CPB1: variants seen among roughly 807,000 people sequenced by gnomAD.
CPB1 encodes the protein carboxypeptidase B1.
A neutral mutation model predicts 51.4 loss-of-function variants in CPB1; 53 were observed. The observed-to-expected ratio is 1.03, with a 90% confidence interval of 0.83 to 1.30. CPB1 has a LOEUF of 1.30. Ranked by LOEUF, CPB1 falls within the 50% of genes most tolerant of loss-of-function variation. CPB1 has a pLI of 0.00. For synonymous variants in CPB1, 189 were observed against 186.9 expected (o/e 1.01, Z -0.09); for missense variants, 494 against 516.2 (o/e 0.96, Z 0.42).
At chr3:148,837,178 GCTACAGA>G (rs1712929818) in intron 3 of CPB1, among the ~76,000 whole-genome samples, 1 of 152,166 alleles carries the variant, frequency 6.6e-6, no homozygotes. Context: ...GGAATTCCTT[GCTACAGA>G]CTGTAGAAAG....
At position 148,834,604 on chromosome 3, in the gene CPB1, A is replaced by G; in HGVS notation, c.254A>G (p.Gln85Arg). ...DTVTVENVLK[Q>R]NELQYKVLIS... ...GTCACTGTGGAGAATGTTCTAAAGC[A>G]GAATGAACTACAATACAAGTAAGTT... Residue 85 changes from glutamine to arginine, a missense_variant, in exon 3 of 11, where the codon CAG becomes CGG. By Grantham distance (43) the Gln-to-Arg change is conservative. Coordinates refer to ENST00000282957, the MANE Select transcript of CPB1 (RefSeq NM_001871.3). 1 of 1,610,528 alleles carries G rather than the reference A, an allele frequency of 6.2e-7. No individual in the cohort carries two copies. Among genetic ancestry groups the G allele is most frequent in the Non-Finnish European group, 8.5e-7 (1 of 1,176,978 alleles).
chr3:148,839,939 T>TACAC (rs112650920), intron 3 of CPB1, among the ~76,000 whole-genome samples: 16 of 140,516 alleles, frequency 1.1e-4, no homozygotes, highest in Non-Finnish European at 1.6e-4. Flanking sequence ...CACACACACA[T>TACAC]ACACACACAC....
chr3:148,847,092 T>TA (rs1212532042), intron 9 of CPB1, among the ~76,000 whole-genome samples: 1 of 150,322 alleles, frequency 6.7e-6, no homozygotes, highest in Non-Finnish European at 1.5e-5. Flanking sequence ...TTAATTAAAA[T>TA]AAAAAAATTA....
chr3:148,856,752 G>A (rs1334880094), intron 9 of CPB1: 1 of 152,176 alleles, frequency 6.6e-6, no homozygotes, highest in Non-Finnish European at 1.5e-5. Flanking sequence ...TGGTTCTTAT[G>A]AGAAGGTGAT....
chr3:148,860,085 T>A lies in CPB1; in HGVS notation c.*83T>A. On this transcript the variant is annotated 3_prime_UTR_variant, in exon 11 of 11. Transcript: ENST00000282957. ...GAATTCTTATTTTGGTTTGCCTGGA[T>A]GTTTTGCAGATCCCAATCTTTCTTT... 1 of 1,357,596 alleles carries A rather than the reference T, an allele frequency of 7.4e-7. No homozygotes were observed. Among genetic ancestry groups the A allele is most frequent in the African/African-American group, 1.5e-5 (1 of 68,948 alleles). The allele number at this position is 1,357,596 out of a possible 1,614,324, so 84.1% of individuals were successfully genotyped here.
At chr3:148,835,019 T>G (rs79592183) in intron 3 of CPB1, among the ~76,000 whole-genome samples, 2 of 152,138 alleles carry the variant, frequency 1.3e-5, no homozygotes, top group African/African-American at 4.8e-5. Flanking sequence ...TGAGGGCTAT[T>G]TGTGCTTTTT....
At chr3:148,835,221 C>G (rs1712866588) in intron 3 of CPB1, among the ~76,000 whole-genome samples, 1 of 152,156 alleles carries the variant, frequency 6.6e-6, no homozygotes, top group African/African-American at 2.4e-5. Flanking sequence ...TCTTTCATGA[C>G]AAGAATGTCT....
At chr3:148,843,537 T>C (rs1222910034) in intron 6 of CPB1, among the ~76,000 whole-genome samples, 2 of 151,996 alleles carry the variant, frequency 1.3e-5, no homozygotes, top group Non-Finnish European at 2.9e-5. Context: ...TAGAATTAAA[T>C]TTTACTATTT....
chr3:148,845,406 C>G lies in CPB1; in HGVS notation c.779-18C>G. On this transcript the variant is annotated intron_variant, in intron 8 of 10. Transcript: ENST00000282957. ...TTCACTAGGTGATCCTTGCCATTAA[C>G]ATCATATGTTTTTCCAGAAATTGGA... 2 of 1,610,416 alleles carry G rather than the reference C, an allele frequency of 1.2e-6. No individual in the cohort carries two copies. The highest frequency in any genetic ancestry group is 2.7e-5 in the African/African-American group (2 of 74,946).
chr3:148,856,362 C>T (rs1349078252), intron 9 of CPB1: 1 of 152,170 alleles, frequency 6.6e-6, no homozygotes, highest in East Asian at 1.9e-4. Flanking sequence ...AGTCTTACGG[C>T]CACGCCCTCA....
At chr3:148,845,868 G>A (rs1384037777) in intron 9 of CPB1, among the ~76,000 whole-genome samples, 2 of 152,126 alleles carry the variant, frequency 1.3e-5, no homozygotes, top group East Asian at 3.9e-4. Flanking sequence ...AATGACAATA[G>A]TTCCATTTCC....
rs988147507 is a variant in CPB1 at position 148,828,225 on chromosome 3, G to A, written c.147+148G>A. 1.9e-4 allele frequency: 127 copies of A among 659,348 alleles called. No individual in the cohort carries two copies. In the African/African-American group the frequency reaches 2.1e-3, roughly 11 times the overall value. The allele number at this position is 659,348 out of a possible 1,614,324, so 40.8% of individuals were successfully genotyped here. A position where few individuals can be genotyped will look rare whatever the true frequency, so the allele number is the denominator to read the frequency against. On this transcript the variant is annotated intron_variant, in intron 2 of 10. Coordinates refer to ENST00000282957, the MANE Select transcript of CPB1 (RefSeq NM_001871.3). ...CTTGGAAAACATTTAGTGCCATAAT[G>A]TCTTCTTTTTCTGCCTAAATTAGAT... is the stretch of plus-strand genomic sequence containing the variant.
chr3:148,832,455 G>A (rs1006227236), intron 2 of CPB1, among the ~76,000 whole-genome samples: 4 of 152,070 alleles, frequency 2.6e-5, no homozygotes, highest in African/African-American at 9.7e-5. Flanking sequence ...CAGACCCTGA[G>A]ACAAAGATTC....
Position 148,860,151 on chromosome 3 carries a change from T to C in CPB1, c.*149T>C. 1 of 693,182 alleles carries C rather than the reference T, an allele frequency of 1.4e-6. No homozygotes were observed. The highest frequency in any genetic ancestry group is 2.4e-6 in the Non-Finnish European group (1 of 420,466). 42.9% of individuals were successfully genotyped at this position (693,182 alleles called of 1,614,324 possible). ...ATTAAACTAGGTAGATCTTTTCGTA[T>C]TGATCATAATAAAAGTGAATCATTA... On this transcript the variant is annotated 3_prime_UTR_variant, in exon 11 of 11. Coordinates refer to ENST00000282957, the MANE Select transcript of CPB1 (RefSeq NM_001871.3).
chr3:148,828,128 C>A, intron 2 of CPB1, 51 bp downstream of exon 2: 3 of 1,357,816 alleles, frequency 2.2e-6, no homozygotes, highest in Non-Finnish European at 2.1e-6. Flanking sequence ...TCTTAGATCG[C>A]ACTGTGATTC....
Position 148,845,550 on chromosome 3 carries a change from CA to C in CPB1, c.907del (p.Ile303SerfsTer7). The C allele has an allele frequency of 1.2e-6, 2 of 1,613,928 alleles. No individual in the cohort carries two copies. The highest frequency in any genetic ancestry group is 1.7e-6 in the Non-Finnish European group (2 of 1,179,860). On this transcript the variant is annotated frameshift_variant, in exon 9 of 11. Coordinates refer to ENST00000282957, the MANE Select transcript of CPB1 (RefSeq NM_001871.3). LOFTEE classifies it high-confidence loss of function. The stretch of plus-strand genomic sequence containing the variant: ...CTCTCTTCCATCAAGGCATATCTGA[CA>C]ATCCACTCGTACTCCCAAATGATGA... ...NKLSSIKAYL[T>X]IHSYSQMMIY...
At chr3:148,838,752 T>A (rs542071139) in intron 3 of CPB1, among the ~76,000 whole-genome samples, 2 of 152,332 alleles carry the variant, frequency 1.3e-5, no homozygotes, top group South Asian at 4.1e-4. Flanking sequence ...TATTTACTAA[T>A]CAAATGACCC....
rs1345016019 is a variant in CPB1, at chr3:148,853,155, GT to G, written c.982-4300del. On this transcript the variant is annotated intron_variant, in intron 9 of 10. Transcript: ENST00000282957. ...GGGATGGCTAAACTCAGAACTTTCA[GT>G]TAGAAACAAAGTTCTACAGAAAATT... is the stretch of plus-strand genomic sequence containing the variant. 9.2e-5 allele frequency among the ~76,000 whole-genome samples: 14 copies of G among 152,308 alleles called. No homozygotes were observed. The South Asian group carries it at 2.5e-3, about 27-fold the overall frequency.
chr3:148,845,408 T>G lies in CPB1; in HGVS notation c.779-16T>G. 6.2e-7 allele frequency: 1 copy of G among 1,611,232 alleles called. No individual in the cohort carries two copies. The highest frequency in any genetic ancestry group is 1.1e-5 in the South Asian group (1 of 91,028). On this transcript the variant is annotated splice_polypyrimidine_tract_variant and intron_variant, in intron 8 of 10. Coordinates refer to ENST00000282957, the MANE Select transcript of CPB1 (RefSeq NM_001871.3). ...CACTAGGTGATCCTTGCCATTAACA[T>G]CATATGTTTTTCCAGAAATTGGAGC...
Sources: gnomAD v4.1 joint callset for allele counts (sites outside exome capture counted in the v4.1 genomes callset) on GRCh38, gnomAD v4.1.1 for gene constraint, MANE v1.5 for transcripts, NCBI Gene and HGNC (gene_info 2026-07-23, HGNC 2026-07-21) for gene names.